Variants in GBE1 observed in about 807,000 individuals in gnomAD.
GBE1 encodes the protein 1,4-alpha-glucan branching enzyme 1.
Under a neutral mutation model 88.8 loss-of-function variants are expected in GBE1, and 70 were observed. That is an observed-to-expected ratio of 0.79 (90% CI 0.65 to 0.96). The LOEUF is 0.96. Among genes scored for constraint, GBE1 ranks in the 40% least tolerant of loss-of-function variants. The probability of loss-of-function intolerance (pLI) is 0.00; values close to 1 mark genes in which losing one functional copy is unlikely to be tolerated. For missense variants in GBE1, 872 were observed against 871.0 expected (o/e 1.00, Z -0.01); for synonymous variants, 284 against 300.1 (o/e 0.95, Z 0.56).
chr3:81,703,004 G>T (rs1210553848), intron 2 of GBE1, among the ~76,000 whole-genome samples: 1 of 148,786 alleles, frequency 6.7e-6, no homozygotes, highest in Non-Finnish European at 1.5e-5. Flanking sequence ...ATATGGGGGT[G>T]GGGGAACCAA....
intron 7 of GBE1, among the ~76,000 whole-genome samples, chr3:81,620,535 T>C (rs943875312): frequency 2.0e-5 from 3 of 152,204 alleles, no homozygotes; most frequent in African/African-American, 7.2e-5. Flanking sequence ...TTAGTATATA[T>C]ACTTTTATTT....
intron 1 of GBE1, among the ~76,000 whole-genome samples, chr3:81,760,139 A>G (rs1160685150): frequency 6.6e-6 from 1 of 152,226 alleles, no homozygotes; most frequent in Admixed American, 6.5e-5. Context: ...TATGGTTTAT[A>G]TAAGAGCATA....
intron 8 of GBE1, among the ~76,000 whole-genome samples, chr3:81,591,779 A>G (rs1235485150): frequency 6.6e-6 from 1 of 151,892 alleles, no homozygotes; most frequent in Non-Finnish European, 1.5e-5. Context: ...ATTTACTCTT[A>G]TTGTTATAAT....
intron 1 of GBE1, among the ~76,000 whole-genome samples, chr3:81,744,434 T>C (rs1433669826): frequency 6.6e-6 from 1 of 152,150 alleles, no homozygotes; most frequent in Non-Finnish European, 1.5e-5. Context: ...TGGATAACAT[T>C]GGTCTGGGCA....
chr3:81,575,271 TA>T (rs1197504850), intron 12 of GBE1, among the ~76,000 whole-genome samples: 2 of 151,932 alleles, frequency 1.3e-5, no homozygotes, highest in East Asian at 1.9e-4. Flanking sequence ...TATGATAGAA[TA>T]AAAAAATACA....
At chr3:81,502,857 C>T (rs1702607725) in intron 14 of GBE1, among the ~76,000 whole-genome samples, 1 of 152,112 alleles carries the variant, frequency 6.6e-6, no homozygotes, top group Admixed American at 6.6e-5. Context: ...GAAAATATGA[C>T]TCAAAGCCAA....
chr3:81,549,347 T>C (rs1703245650), intron 12 of GBE1, among the ~76,000 whole-genome samples: 1 of 151,486 alleles, frequency 6.6e-6, no homozygotes, highest in South Asian at 2.1e-4. Flanking sequence ...TAATTTATGG[T>C]AATACAGTTA....
chr3:81,524,795 G>A (rs192813282), intron 14 of GBE1, among the ~76,000 whole-genome samples: 14 of 151,876 alleles, frequency 9.2e-5, no homozygotes, highest in African/African-American at 3.4e-4. Flanking sequence ...TTACCATGCT[G>A]TTTTGGTCAC....
At chr3:81,693,257 G>A (rs985596382) in intron 2 of GBE1, among the ~76,000 whole-genome samples, 2 of 151,822 alleles carry the variant, frequency 1.3e-5, no homozygotes, top group South Asian at 2.1e-4. Flanking sequence ...AATCAAACAC[G>A]ATCCTCAAAA....
intron 14 of GBE1, among the ~76,000 whole-genome samples, chr3:81,505,620 T>G (rs747019833): frequency 2.0e-5 from 3 of 152,194 alleles, no homozygotes; most frequent in Non-Finnish European, 4.4e-5. Context: ...GGCTATGAAC[T>G]ACAACTTTCA....
At chr3:81,723,263 T>G (rs1010309838) in intron 1 of GBE1, among the ~76,000 whole-genome samples, 1 of 147,958 alleles carries the variant, frequency 6.8e-6, no homozygotes, top group Non-Finnish European at 1.5e-5. Context: ...GTTGTTTTGT[T>G]TTTTTTTTTT....
chr3:81,622,948 C>T (rs1009409183), intron 7 of GBE1, among the ~76,000 whole-genome samples: 1 of 152,152 alleles, frequency 6.6e-6, no homozygotes, highest in African/African-American at 2.4e-5. Flanking sequence ...TGGACTATTG[C>T]AATACAAATA....
intron 1 of GBE1, among the ~76,000 whole-genome samples, chr3:81,747,470 C>G (rs544627432): frequency 1.3e-5 from 2 of 152,272 alleles, no homozygotes; most frequent in African/African-American, 4.8e-5. Flanking sequence ...CATTTGAGGT[C>G]AGGAGTTGGA....
chr3:81,677,597 G>A (rs968572623), intron 2 of GBE1, among the ~76,000 whole-genome samples: 1 of 152,104 alleles, frequency 6.6e-6, no homozygotes, highest in African/African-American at 2.4e-5. Flanking sequence ...ATTTCCTATG[G>A]CATTGTTCTT....
chr3:81,614,931 A>C (rs1479574551), intron 7 of GBE1, among the ~76,000 whole-genome samples: 1 of 151,920 alleles, frequency 6.6e-6, no homozygotes, highest in Non-Finnish European at 1.5e-5. Context: ...TGGGAGGCTG[A>C]GGTGGGAGAA....
chr3:81,615,671 A>G (rs1194974094), intron 7 of GBE1, among the ~76,000 whole-genome samples: 1 of 152,182 alleles, frequency 6.6e-6, no homozygotes, highest in Non-Finnish European at 1.5e-5. Flanking sequence ...CACTCTGTTT[A>G]ATATACTGAA....
chr3:81,706,609 G>A (rs917556740), intron 1 of GBE1, among the ~76,000 whole-genome samples: 4 of 152,254 alleles, frequency 2.6e-5, no homozygotes, highest in African/African-American at 9.6e-5. Flanking sequence ...CAGAAAGATG[G>A]CAGGAATCGA....
intron 2 of GBE1, among the ~76,000 whole-genome samples, chr3:81,702,102 AGTGTGTGTGT>A (rs571028865): frequency 0.15 from 17,846 of 115,246 alleles, 1,677 homozygotes; most frequent in African/African-American, 0.2. Context: ...AGAGAGAGAG[AGTGTGTGTGT>A]GTGTGTGTGT....
chr3:81,646,588 C>T, intron 5 of GBE1, 106 bp from the exon 6 acceptor site: 1 of 668,484 alleles, frequency 1.5e-6, no homozygotes. Flanking sequence ...TACAAACAAT[C>T]TAGAAGCTTT....
Sources: allele counts gnomAD v4.1 joint callset (sites outside exome capture counted in the v4.1 genomes callset), GRCh38; gene constraint gnomAD v4.1.1; transcripts MANE v1.5; gene names NCBI Gene and HGNC (gene_info 2026-07-23, HGNC 2026-07-21).